Variants in ADAM32 observed in about 807,000 individuals in gnomAD.
The protein encoded by ADAM32 is ADAM metallopeptidase domain 32.
In ADAM32, 89 loss-of-function variants were observed where a neutral mutation model predicts 114.9. The ratio of observed to expected loss-of-function variants is 0.77; its 90% CI spans 0.65 to 0.92. The LOEUF (loss-of-function observed/expected upper bound fraction) is 0.92, where lower values mean the gene tolerates loss of function less well. Ranked by LOEUF, ADAM32 falls within the 40% of genes least tolerant of loss-of-function variation. ADAM32 has a pLI of 0.00. For synonymous variants in ADAM32, 285 were observed against 307.5 expected, an observed-to-expected ratio of 0.93 and a Z score of 0.77; for missense variants, 870 against 932.8, an observed-to-expected ratio of 0.93 and a Z score of 0.88.
intron 6 of ADAM32, among the ~76,000 whole-genome samples, chr8:39,154,033 C>CATATATATATATATATATATATATAT (rs59934573): frequency 3.4e-4 from 47 of 139,424 alleles, no homozygotes; most frequent in African/African-American, 9.4e-4. Context: ...GAAAGTTCCT[C>CATATATATATATATATATATATATAT]ATATATATAT....
rs977591892 is a variant in ADAM32, at chr8:39,274,350, A to G, written c.2240A>G (p.Gln747Arg). The G allele has an allele frequency of 1.4e-5, 23 of 1,613,010 alleles. No homozygotes were observed. The highest frequency in any genetic ancestry group is 2.0e-5 in the Non-Finnish European group (23 of 1,179,430). The change falls in exon 21 of 25, where the codon CAA becomes CGA. Residue 747 changes from glutamine to arginine, a missense_variant and splice_region_variant. Gln to Arg is a conservative substitution (Grantham distance 43). Coordinates refer to ENST00000379907, the MANE Select transcript of ADAM32 (RefSeq NM_145004.7). Reference sequence around the variant, plus strand: ...GGCAGCACTCAGACATATGCCAGCCAGTAAGTAGGTTAGAAGAGGTTTTTA... The same window carrying G: ...GGCAGCACTCAGACATATGCCAGCCGGTAAGTAGGTTAGAAGAGGTTTTTA... ...SEGSTQTYASQTRSESSSQAD... is the reference protein window; with the variant it reads ...SEGSTQTYASRTRSESSSQAD...
intron 14 of ADAM32, 66 bp downstream of exon 14, chr8:39,223,304 G>A (rs1249647134): frequency 2.8e-6 from 3 of 1,060,980 alleles, no homozygotes; most frequent in Non-Finnish European, 3.8e-6. Context: ...GGATAATGGG[G>A]TATATTTTCA....
In ADAM32 at chr8:39,230,091, G is replaced by A. The variant is rs760679607; in HGVS notation, c.1526-1936G>A. Reference sequence around the variant, plus strand: ...ACATGCATCCACTATTTTAATGCACGTCAAAGCATTTGATAATAGGCTACT... The same window carrying A: ...ACATGCATCCACTATTTTAATGCACATCAAAGCATTTGATAATAGGCTACT... On this transcript the variant is annotated intron_variant, in intron 14 of 24. Transcript: ENST00000379907. Among the ~76,000 whole-genome samples the A allele has an allele frequency of 3.9e-5, 6 of 152,208 alleles. No individual in the cohort carries two copies. In the South Asian group the frequency reaches 6.2e-4, roughly 16 times the overall value.
chr8:39,192,300 G>A (rs1585502312), intron 11 of ADAM32, among the ~76,000 whole-genome samples: 1 of 151,934 alleles, frequency 6.6e-6, no homozygotes, highest in Non-Finnish European at 1.5e-5. Context: ...ATCTTTGTCG[G>A]TTTAAAGTCT....
intron 22 of ADAM32, 187 bp downstream of exon 22, chr8:39,276,053 A>G (rs1813054035): frequency 4.3e-6 from 2 of 469,400 alleles, no homozygotes; most frequent in Admixed American, 8.2e-5. Flanking sequence ...ATAAGACAAT[A>G]TCTTCTTTCC....
chr8:39,231,379 G>GGGAGT (rs57637359), intron 14 of ADAM32, among the ~76,000 whole-genome samples: 1 of 152,090 alleles, frequency 6.6e-6, no homozygotes, highest in Non-Finnish European at 1.5e-5. Flanking sequence ...ACCTCTGAAG[G>GGGAGT]TAAACCTCAG....
At chr8:39,199,664 A>G (rs1483632733) in intron 11 of ADAM32, among the ~76,000 whole-genome samples, 1 of 151,764 alleles carries the variant, frequency 6.6e-6, no homozygotes, top group Non-Finnish European at 1.5e-5. Context: ...GGTACATGTG[A>G]ACAATGTGCA....
rs571301642 is a variant in ADAM32, at chr8:39,135,186, G to A, written c.139-1471G>A. 3.9e-5 allele frequency among the ~76,000 whole-genome samples: 6 copies of A among 152,234 alleles called. No individual in the cohort carries two copies. The South Asian group carries it at 1.2e-3, about 32-fold the overall frequency. On this transcript the variant is annotated intron_variant, in intron 2 of 24. Coordinates refer to ENST00000379907, the MANE Select transcript of ADAM32 (RefSeq NM_145004.7). ...AAAAACAAAAACAAAAAACGATAAA[G>A]ATGCTCAAGCATCTGTGTTCAGTTA...
At chr8:39,280,104 G>C (rs1813333384) in intron 22 of ADAM32, among the ~76,000 whole-genome samples, 1 of 152,170 alleles carries the variant, frequency 6.6e-6, no homozygotes, top group Non-Finnish European at 1.5e-5. Flanking sequence ...AGTGGTCATA[G>C]CTTTTAATAT....
intron 2 of ADAM32, among the ~76,000 whole-genome samples, chr8:39,128,090 CGAT>C (rs1802221697): frequency 6.6e-6 from 1 of 152,040 alleles, no homozygotes; most frequent in Non-Finnish European, 1.5e-5. Flanking sequence ...TTTTCTGTTT[CGAT>C]GATCTGTCTA....
At chr8:39,135,142 C>T (rs1167260748) in intron 2 of ADAM32, among the ~76,000 whole-genome samples, 3 of 151,944 alleles carry the variant, frequency 2.0e-5, no homozygotes, top group Non-Finnish European at 4.4e-5. Context: ...GCAACAAGAG[C>T]GAAACTCTGT....
intron 10 of ADAM32, among the ~76,000 whole-genome samples, chr8:39,182,354 A>G (rs1475280388): frequency 6.6e-6 from 1 of 152,262 alleles, no homozygotes; most frequent in African/African-American, 2.4e-5. Flanking sequence ...CTATGTGAGT[A>G]GAGAAAGATT....
rs550628806 is a variant in ADAM32 at position 39,183,141 on chromosome 8, G to A, written c.916-3768G>A. Among the ~76,000 whole-genome samples, 8 of 152,294 alleles carry A rather than the reference G, an allele frequency of 5.3e-5. No individual in the cohort carries two copies. The South Asian group carries it at 1.0e-3, about 20-fold the overall frequency. On this transcript the variant is annotated intron_variant, in intron 10 of 24. Coordinates refer to ENST00000379907, the MANE Select transcript of ADAM32 (RefSeq NM_145004.7). ...TTTTTGTATGTTTGGAATCTGTATC[G>A]TGTTTCCTGCAGCATGATGCTGTTG... is the stretch of plus-strand genomic sequence containing the variant.
chr8:39,221,407 G>C (rs1808950681), intron 12 of ADAM32: 2 of 516,540 alleles, frequency 3.9e-6, no homozygotes, highest in South Asian at 2.5e-5. Context: ...AAGGTAAGTA[G>C]GTTACTAGTT....
At chr8:39,116,253 T>G (rs1289589214) in intron 1 of ADAM32, among the ~76,000 whole-genome samples, 1 of 152,224 alleles carries the variant, frequency 6.6e-6, no homozygotes, top group African/African-American at 2.4e-5. Context: ...TTAGAATAGT[T>G]TTTTCTAATT....
chr8:39,243,035 G>A (rs1330743187), intron 16 of ADAM32, among the ~76,000 whole-genome samples: 5 of 152,030 alleles, frequency 3.3e-5, no homozygotes, highest in Non-Finnish European at 7.4e-5. Context: ...TAACCTAGGG[G>A]AGATAAATAA....
chr8:39,247,182 T>G (rs1323176916), intron 17 of ADAM32, among the ~76,000 whole-genome samples: 2 of 152,182 alleles, frequency 1.3e-5, no homozygotes, highest in African/African-American at 2.4e-5. Flanking sequence ...GGTTTTTGTG[T>G]GGACATAAAT....
At chr8:39,135,433 T>C (rs1051952883) in intron 2 of ADAM32, among the ~76,000 whole-genome samples, 3 of 152,174 alleles carry the variant, frequency 2.0e-5, no homozygotes, top group Non-Finnish European at 2.9e-5. Flanking sequence ...TACAGAAAAA[T>C]TGCTAAAAGA....
At chr8:39,249,257 A>G in intron 17 of ADAM32, among the ~76,000 whole-genome samples, 1 of 152,044 alleles carries the variant, frequency 6.6e-6, no homozygotes, top group East Asian at 1.9e-4. Flanking sequence ...TGATATGATA[A>G]TGTGATTTTT....
Sources: gnomAD v4.1 joint callset for allele counts (sites outside exome capture counted in the v4.1 genomes callset) on GRCh38, gnomAD v4.1.1 for gene constraint, MANE v1.5 for transcripts, NCBI Gene and HGNC (gene_info 2026-07-23, HGNC 2026-07-21) for gene names.